The following SIL1 variants were observed in gnomAD, a reference collection of about 807,000 sequenced individuals.
The protein encoded by SIL1 is SIL1 nucleotide exchange factor.
A neutral mutation model predicts 49.1 loss-of-function variants in SIL1; 40 were observed. The observed-to-expected ratio is 0.81, with a 90% CI of 0.63 to 1.06. SIL1 has a LOEUF of 1.06. SIL1 is among the 50% of genes least tolerant of loss of function. The pLI is 0.00. For synonymous variants in SIL1, 253 were observed against 250.8 expected, an observed-to-expected ratio of 1.01 and a Z score of -0.08; for missense variants, 500 against 572.6, an observed-to-expected ratio of 0.87 and a Z score of 1.29.
chr5:139,126,034 G>T (rs1750745870), intron 2 of SIL1, among the ~76,000 whole-genome samples: 1 of 152,166 alleles, frequency 6.6e-6, no homozygotes. Flanking sequence ...TGGACTCCAG[G>T]CTCTGAAGAA....
intron 1 of SIL1, among the ~76,000 whole-genome samples, chr5:139,197,438 G>T (rs1189125950): frequency 1.3e-5 from 2 of 152,142 alleles, no homozygotes; most frequent in African/African-American, 4.8e-5. Context: ...AAAGCCAACT[G>T]AACTTTAAAC....
chr5:139,035,189 C>T, intron 5 of SIL1: 1 of 402,568 alleles, frequency 2.5e-6, no homozygotes, highest in Non-Finnish European at 4.8e-6. Context: ...TTGATGTCAT[C>T]TATGATGTCA....
At chr5:139,148,627 C>T (rs1245320368) in intron 1 of SIL1, among the ~76,000 whole-genome samples, 1 of 152,234 alleles carries the variant, frequency 6.6e-6, no homozygotes, top group African/African-American at 2.4e-5. Context: ...TTTTGGGCAG[C>T]AGACGCTCTG....
At chr5:138,970,565 G>A (rs1293736371) in intron 7 of SIL1, among the ~76,000 whole-genome samples, 1 of 152,120 alleles carries the variant, frequency 6.6e-6, no homozygotes, top group Non-Finnish European at 1.5e-5. Flanking sequence ...GCACAGCTGG[G>A]TCCAGAGGCT....
intron 7 of SIL1, among the ~76,000 whole-genome samples, chr5:138,952,670 T>G (rs944234528): frequency 6.6e-6 from 1 of 152,246 alleles, no homozygotes; most frequent in Non-Finnish European, 1.5e-5. Context: ...ATAAACATAC[T>G]GCACTAAAGT....
At chr5:139,183,670 A>G (rs988881123) in intron 1 of SIL1, among the ~76,000 whole-genome samples, 3 of 152,208 alleles carry the variant, frequency 2.0e-5, no homozygotes, top group African/African-American at 7.2e-5. Flanking sequence ...AGGGAAGCGG[A>G]TGATTCACCC....
chr5:139,149,123 C>T (rs1326381100), intron 1 of SIL1, among the ~76,000 whole-genome samples: 1 of 151,116 alleles, frequency 6.6e-6, no homozygotes, highest in African/African-American at 2.4e-5. Flanking sequence ...GAAGAGCACC[C>T]AGGAAAAAAA....
At chr5:139,040,747 C>A (rs550023150) in intron 5 of SIL1, among the ~76,000 whole-genome samples, 2 of 152,144 alleles carry the variant, frequency 1.3e-5, no homozygotes, top group African/African-American at 2.4e-5. Flanking sequence ...GATCCACCCG[C>A]CTTGTCCTCC....
At chr5:138,962,765 T>C (rs1322847034) in intron 7 of SIL1, among the ~76,000 whole-genome samples, 2 of 152,154 alleles carry the variant, frequency 1.3e-5, no homozygotes, top group South Asian at 2.1e-4. Flanking sequence ...TCTGACTGGA[T>C]AGACAAAGCC....
chr5:139,044,197 T>C (rs1360197609), intron 4 of SIL1, among the ~76,000 whole-genome samples: 1 of 152,162 alleles, frequency 6.6e-6, no homozygotes, highest in Non-Finnish European at 1.5e-5. Flanking sequence ...CAAATAGTTA[T>C]CACAATGCTA....
intron 7 of SIL1, among the ~76,000 whole-genome samples, chr5:139,001,124 T>G (rs1212575574): frequency 6.6e-6 from 1 of 151,144 alleles, no homozygotes; most frequent in African/African-American, 2.5e-5. Context: ...CAGGAAAGAG[T>G]AAATTCAAAA....
chr5:138,996,338 T>C (rs1024655183), intron 7 of SIL1, among the ~76,000 whole-genome samples: 2 of 152,144 alleles, frequency 1.3e-5, no homozygotes, highest in Non-Finnish European at 2.9e-5. Flanking sequence ...TTTTGAAAAA[T>C]GTCTGTTCAG....
intron 1 of SIL1, among the ~76,000 whole-genome samples, chr5:139,167,303 C>T (rs1386259487): frequency 6.6e-6 from 1 of 152,152 alleles, no homozygotes; most frequent in African/African-American, 2.4e-5. Flanking sequence ...TGTAAACCAG[C>T]CTCAAGCAGG....
At chr5:139,155,703 T>C (rs1751395167) in intron 1 of SIL1, among the ~76,000 whole-genome samples, 1 of 151,792 alleles carries the variant, frequency 6.6e-6, no homozygotes, top group African/African-American at 2.4e-5. Context: ...GCCCAAGCAC[T>C]GATAAAAGAA....
At chr5:139,055,438 CAG>C (rs1769383191) in intron 3 of SIL1, among the ~76,000 whole-genome samples, 1 of 152,282 alleles carries the variant, frequency 6.6e-6, no homozygotes, top group East Asian at 1.9e-4. Flanking sequence ...CCTCCTACTG[CAG>C]AGTGTGCCTT....
chr5:139,075,643 T>A (rs1349156174), intron 3 of SIL1, among the ~76,000 whole-genome samples: 1 of 152,170 alleles, frequency 6.6e-6, no homozygotes, highest in Non-Finnish European at 1.5e-5. Context: ...TAAACGCTAG[T>A]GTGTTTATGG....
intron 1 of SIL1, among the ~76,000 whole-genome samples, chr5:139,160,915 A>C (rs1421235895): frequency 6.6e-6 from 1 of 152,196 alleles, no homozygotes; most frequent in Non-Finnish European, 1.5e-5. Context: ...CCAGAAGGAT[A>C]GGGGATAGTC....
intron 3 of SIL1, among the ~76,000 whole-genome samples, chr5:139,085,936 C>T (rs987878575): frequency 6.6e-6 from 1 of 152,036 alleles, no homozygotes; most frequent in East Asian, 1.9e-4. Flanking sequence ...CAGGAAAGAG[C>T]TAACAATGGA....
intron 5 of SIL1, among the ~76,000 whole-genome samples, chr5:139,039,076 T>TA (rs1768981926): frequency 6.6e-6 from 1 of 152,148 alleles, no homozygotes; most frequent in Admixed American, 6.5e-5. Flanking sequence ...CTGTTGGTAA[T>TA]ACACCAGCAG....
Sources: allele counts gnomAD v4.1 joint callset (sites outside exome capture counted in the v4.1 genomes callset), GRCh38; gene constraint gnomAD v4.1.1; transcripts MANE v1.5; gene names NCBI Gene and HGNC (gene_info 2026-07-23, HGNC 2026-07-21).